Variants in RORA observed in about 807,000 individuals in gnomAD.
The protein encoded by RORA is RAR related orphan receptor A.
RORA carries 7 observed loss-of-function variants against 69.5 expected under a neutral mutation model. The observed-to-expected ratio is 0.10, with a 90% CI of 0.06 to 0.19. The LOEUF (loss-of-function observed/expected upper bound fraction) is 0.19, where lower values mean the gene tolerates loss of function less well. Among genes scored for constraint, RORA ranks in the 10% least tolerant of loss-of-function variants. RORA has a pLI of 1.00. For synonymous variants in RORA, 261 were observed against 240.8 expected (o/e 1.08, Z -0.78); for missense variants, 457 against 663.0 (o/e 0.69, Z 3.41).
intron 1 of RORA, among the ~76,000 whole-genome samples, chr15:61,006,399 C>T (rs1347906058): frequency 6.6e-6 from 1 of 152,102 alleles, no homozygotes; most frequent in Non-Finnish European, 1.5e-5. Context: ...TGATTATCTT[C>T]TGACTCGTTG....
intron 1 of RORA, among the ~76,000 whole-genome samples, chr15:60,745,897 G>A (rs1019789171): frequency 2.6e-5 from 4 of 151,968 alleles, no homozygotes; most frequent in East Asian, 1.9e-4. Context: ...TTTTAAAGCC[G>A]CTTAATTTCC....
chr15:60,967,274 G>A (rs1410800736), intron 1 of RORA, among the ~76,000 whole-genome samples: 14 of 152,118 alleles, frequency 9.2e-5, no homozygotes, highest in Admixed American at 9.2e-4. Flanking sequence ...ATATTTATAT[G>A]CATGTTTACA....
chr15:60,748,455 T>C (rs2071679687), intron 1 of RORA, among the ~76,000 whole-genome samples: 1 of 152,200 alleles, frequency 6.6e-6, no homozygotes, highest in Non-Finnish European at 1.5e-5. Flanking sequence ...ACGTGGTTCT[T>C]ATATATGTTA....
chr15:60,756,950 T>C (rs2071810423), intron 1 of RORA, among the ~76,000 whole-genome samples: 1 of 152,204 alleles, frequency 6.6e-6, no homozygotes, highest in Non-Finnish European at 1.5e-5. Flanking sequence ...TTTATTATTA[T>C]AATCCATGAA....
intron 1 of RORA, among the ~76,000 whole-genome samples, chr15:60,698,924 T>C (rs1450763629): frequency 6.6e-6 from 1 of 152,150 alleles, no homozygotes; most frequent in Admixed American, 6.5e-5. Context: ...ATTTCCTCTT[T>C]TGTTAATCGC....
intron 1 of RORA, among the ~76,000 whole-genome samples, chr15:60,710,284 T>C (rs1037929821): frequency 1.9e-4 from 29 of 151,840 alleles, no homozygotes; most frequent in African/African-American, 6.5e-4. Flanking sequence ...AGGTCAGGAG[T>C]TCGAGACCAG....
intron 1 of RORA, among the ~76,000 whole-genome samples, chr15:61,011,723 G>T (rs531573889): frequency 5.4e-4 from 82 of 152,314 alleles, no homozygotes; most frequent in Admixed American, 1.2e-3. Flanking sequence ...ACAGTCACTT[G>T]AGCTATTTTG....
At chr15:60,526,175 C>G (rs1384746588) in intron 3 of RORA, among the ~76,000 whole-genome samples, 1 of 152,208 alleles carries the variant, frequency 6.6e-6, no homozygotes, top group Non-Finnish European at 1.5e-5. Flanking sequence ...ATTCAGATTT[C>G]CTGAGCTACG....
At chr15:60,554,520 CT>C (rs1173360369) in intron 2 of RORA, among the ~76,000 whole-genome samples, 10 of 152,248 alleles carry the variant, frequency 6.6e-5, no homozygotes, top group African/African-American at 2.4e-4. Flanking sequence ...AATTACAGGG[CT>C]AATGACCCAT....
intron 1 of RORA, among the ~76,000 whole-genome samples, chr15:60,864,303 G>A (rs2140428244): frequency 6.6e-6 from 1 of 152,304 alleles, no homozygotes; most frequent in Middle Eastern, 3.4e-3. Context: ...ATGTTATTGA[G>A]TGCTTGAAGA....
intron 1 of RORA, among the ~76,000 whole-genome samples, chr15:60,865,330 A>ACTC (rs2073475956): frequency 1.3e-5 from 2 of 152,056 alleles, no homozygotes; most frequent in Non-Finnish European, 2.9e-5. Flanking sequence ...CAGATCTAAC[A>ACTC]CTCTATTATT....
At chr15:60,952,223 T>A (rs1198752019) in intron 1 of RORA, among the ~76,000 whole-genome samples, 7 of 151,962 alleles carry the variant, frequency 4.6e-5, no homozygotes, top group Non-Finnish European at 8.8e-5. Flanking sequence ...AGAAAAAGCC[T>A]TTGACAAAAT....
chr15:60,603,098 C>T (rs2068857187), intron 2 of RORA, among the ~76,000 whole-genome samples: 1 of 152,170 alleles, frequency 6.6e-6, no homozygotes, highest in South Asian at 2.1e-4. Flanking sequence ...TTGTTGAGTA[C>T]AATAATTTGC....
At chr15:61,076,095 G>A (rs907834307) in intron 1 of RORA, among the ~76,000 whole-genome samples, 1 of 152,198 alleles carries the variant, frequency 6.6e-6, no homozygotes. Flanking sequence ...AAATGTCTGT[G>A]GAGGGGTTCA....
chr15:60,605,027 A>C (rs541230625), intron 2 of RORA, among the ~76,000 whole-genome samples: 2 of 152,216 alleles, frequency 1.3e-5, no homozygotes, highest in Non-Finnish European at 2.9e-5. Context: ...TTATTTGGAC[A>C]TACAGATAGT....
At chr15:60,510,473 T>C (rs1180837470) in intron 5 of RORA, 1 of 152,266 alleles carries the variant, frequency 6.6e-6, no homozygotes, top group East Asian at 1.9e-4. Context: ...GTCTTTTGCA[T>C]GGTGAGCCTT....
At chr15:60,950,631 T>C (rs1893062646) in intron 1 of RORA, among the ~76,000 whole-genome samples, 1 of 107,316 alleles carries the variant, frequency 9.3e-6, no homozygotes, top group Middle Eastern at 3.8e-3. Context: ...AAGGCAGGGG[T>C]TGCAATCCTA....
At position 60,497,198 on chromosome 15, in the gene RORA, T is replaced by G; in HGVS notation, c.*257A>C. The G allele has an allele frequency of 5.6e-6, 2 of 360,260 alleles. No individual in the cohort carries two copies. The highest frequency in any genetic ancestry group is 4.5e-5 in the South Asian group (1 of 22,298). 22.3% of individuals were successfully genotyped at this position (360,260 alleles called of 1,614,324 possible). ...ACCCTCCTCCTGTTGTAAACAGAGGTCAATGATCAAGAAGTCAAGACAGAA... is the reference window on the plus strand; with the variant it reads ...ACCCTCCTCCTGTTGTAAACAGAGGGCAATGATCAAGAAGTCAAGACAGAA... On this transcript the variant is annotated 3_prime_UTR_variant, in exon 11 of 11. Transcript: ENST00000335670.
In RORA at chr15:60,574,563, G is replaced by A. The variant is rs78398180; in HGVS notation, c.197-42712C>T. Among the ~76,000 whole-genome samples the A allele has an allele frequency of 5.8e-3, 880 of 152,258 alleles. 19 individuals carry two copies. The East Asian group carries it at 0.072, about 12-fold the overall frequency. On this transcript the variant is annotated intron_variant, in intron 2 of 10. Transcript: ENST00000335670. ...TTACCCTAACTTCAAACTTGAATAC[G>A]TGATGTGTACCATTTACCACGTGTA...
Sources: allele counts gnomAD v4.1 joint callset (sites outside exome capture counted in the v4.1 genomes callset), GRCh38; gene constraint gnomAD v4.1.1; transcripts MANE v1.5; gene names NCBI Gene and HGNC (gene_info 2026-07-23, HGNC 2026-07-21).